The following SLC25A33 variants were observed in gnomAD, a reference collection of about 807,000 sequenced individuals.
The protein encoded by SLC25A33 is solute carrier family 25 member 33.
SLC25A33 carries 15 observed loss-of-function variants against 35.5 expected under a neutral mutation model. That is an observed-to-expected ratio of 0.42 (90% CI 0.28 to 0.65). The LOEUF (loss-of-function observed/expected upper bound fraction) is 0.65, where lower values mean the gene tolerates loss of function less well. Among genes scored for constraint, SLC25A33 ranks in the 30% least tolerant of loss-of-function variants. The pLI is 0.20. For synonymous variants in SLC25A33, 136 were observed against 148.7 expected (o/e 0.91, Z 0.62); for missense variants, 257 against 398.5 (o/e 0.64, Z 3.02).
chr1:9,581,987 G>A (rs925754873), intron 6 of SLC25A33, among the ~76,000 whole-genome samples: 7 of 151,960 alleles, frequency 4.6e-5, no homozygotes, highest in African/African-American at 1.2e-4. Context: ...GTAGTGGCAC[G>A]ATCCCGACTC....
At chr1:9,546,664 G>A (rs1643175002) in intron 1 of SLC25A33, among the ~76,000 whole-genome samples, 1 of 152,164 alleles carries the variant, frequency 6.6e-6, no homozygotes, top group African/African-American at 2.4e-5. Context: ...TTCTTGAAAA[G>A]TTTAGGTATA....
At chr1:9,554,423 A>G (rs1643312126) in intron 2 of SLC25A33, among the ~76,000 whole-genome samples, 1 of 152,184 alleles carries the variant, frequency 6.6e-6, no homozygotes, top group African/African-American at 2.4e-5. Context: ...GCAATGGCAC[A>G]ATCTCAGCTC....
At chr1:9,561,110 T>A (rs1643417904) in intron 2 of SLC25A33, among the ~76,000 whole-genome samples, 1 of 152,014 alleles carries the variant, frequency 6.6e-6, no homozygotes, top group African/African-American at 2.4e-5. Flanking sequence ...CCGGCTAATT[T>A]TTTTTGTATT....
chr1:9,575,589 T>C (rs1230355241), intron 5 of SLC25A33, among the ~76,000 whole-genome samples: 2 of 151,920 alleles, frequency 1.3e-5, no homozygotes, highest in Non-Finnish European at 2.9e-5. Flanking sequence ...CACTTCAGCA[T>C]GGGTGATAGA....
At chr1:9,541,962 G>T (rs1455707109) in intron 1 of SLC25A33, among the ~76,000 whole-genome samples, 1 of 151,906 alleles carries the variant, frequency 6.6e-6, no homozygotes, top group African/African-American at 2.4e-5. Flanking sequence ...ACCACGCCCG[G>T]CTAATTTTGT....
rs765080211 is a variant in SLC25A33, at chr1:9,553,657, T to G, written c.88T>G (p.Cys30Gly). ...AGGCACAGTTGGTGCTATTTTCACT[T>G]GTCCACTAGAAGTCATTAAGACACG... The part of the protein sequence containing the change: ...CGGTVGAIFT[C>G]PLEVIKTRLQ... The change falls in exon 2 of 7, where the codon TGT becomes GGT. Residue 30 changes from cysteine (C) to glycine (G), a missense_variant. Cys to Gly is a radical substitution (Grantham distance 159, BLOSUM62 -3). Coordinates refer to ENST00000302692, the MANE Select transcript of SLC25A33 (RefSeq NM_032315.3). 6.2e-7 allele frequency: 1 copy of G among 1,613,822 alleles called. No individual in the cohort carries two copies. Among genetic ancestry groups the G allele is most frequent in the Non-Finnish European group, 8.5e-7 (1 of 1,180,036 alleles).
chr1:9,559,079 G>A (rs563209383), intron 2 of SLC25A33, among the ~76,000 whole-genome samples: 1 of 152,280 alleles, frequency 6.6e-6, no homozygotes, highest in Admixed American at 6.5e-5. Context: ...TTGTCTGCAC[G>A]GCTGACGTCC....
chr1:9,550,316 C>T (rs1031840043), intron 1 of SLC25A33, among the ~76,000 whole-genome samples: 1 of 150,566 alleles, frequency 6.6e-6, no homozygotes, highest in Non-Finnish European at 1.5e-5. Flanking sequence ...CTTTTTTGGA[C>T]GAACACACCA....
intron 4 of SLC25A33, among the ~76,000 whole-genome samples, chr1:9,572,695 A>G (rs888963335): frequency 9.9e-5 from 15 of 152,098 alleles, no homozygotes; most frequent in Non-Finnish European, 2.1e-4. Context: ...GTGAGGTATT[A>G]CAGAAGAGAT....
At chr1:9,547,318 G>T (rs1335272765) in intron 1 of SLC25A33, among the ~76,000 whole-genome samples, 1 of 152,132 alleles carries the variant, frequency 6.6e-6, no homozygotes, top group Admixed American at 6.6e-5. Flanking sequence ...GCCAAGCATT[G>T]TGGCACACAT....
chr1:9,576,622 CG>C (rs1306328416), intron 5 of SLC25A33: 1 of 591,330 alleles, frequency 1.7e-6, no homozygotes, highest in Admixed American at 1.9e-5. Context: ...GGCTACCGTT[CG>C]AACTGTTGGT....
intron 1 of SLC25A33, among the ~76,000 whole-genome samples, chr1:9,550,464 G>T (rs1049052791): frequency 6.6e-5 from 10 of 151,988 alleles, no homozygotes; most frequent in African/African-American, 2.4e-4. Context: ...TTACCCAGAA[G>T]CTCTTTTTCA....
At chr1:9,542,055 C>G (rs1643093170) in intron 1 of SLC25A33, among the ~76,000 whole-genome samples, 1 of 152,166 alleles carries the variant, frequency 6.6e-6, no homozygotes, top group Non-Finnish European at 1.5e-5. Flanking sequence ...CTCGGCCTCC[C>G]AAAGTGCTGG....
At chr1:9,567,589 TCTG>T (rs1643530691) in intron 3 of SLC25A33, among the ~76,000 whole-genome samples, 1 of 152,246 alleles carries the variant, frequency 6.6e-6, no homozygotes, top group South Asian at 2.1e-4. Context: ...TGAAAATTAA[TCTG>T]CTATCATTAC....
chr1:9,577,275 T>G (rs1226116051), intron 5 of SLC25A33, among the ~76,000 whole-genome samples: 1 of 152,034 alleles, frequency 6.6e-6, no homozygotes, highest in East Asian at 1.9e-4. Flanking sequence ...CTGGCCAACA[T>G]GGTGAAACCC....
At chr1:9,566,778 G>A (rs1372541211) in intron 2 of SLC25A33, among the ~76,000 whole-genome samples, 2 of 152,054 alleles carry the variant, frequency 1.3e-5, no homozygotes, top group Admixed American at 6.5e-5. Context: ...CCTGGGGGGC[G>A]GAAGTTGCAG....
intron 1 of SLC25A33, 95 bp downstream of exon 1, chr1:9,539,842 G>A (rs1643049285): frequency 3.5e-6 from 4 of 1,145,394 alleles, no homozygotes; most frequent in Admixed American, 8.9e-5. Context: ...GCGGTTACCG[G>A]CCTTCCCCGG....
chr1:9,550,879 T>TCAA, intron 1 of SLC25A33, among the ~76,000 whole-genome samples: 1 of 152,000 alleles, frequency 6.6e-6, no homozygotes, highest in South Asian at 2.1e-4. Context: ...GGTTTTGACC[T>TCAA]GTTGGCCAGG....
chr1:9,540,192 G>A (rs1307736680), intron 1 of SLC25A33, among the ~76,000 whole-genome samples: 1 of 152,154 alleles, frequency 6.6e-6, no homozygotes, highest in African/African-American at 2.4e-5. Flanking sequence ...TCAGGGCAGC[G>A]CGGGAGGTCA....
Sources: allele counts gnomAD v4.1 joint callset (sites outside exome capture counted in the v4.1 genomes callset), GRCh38; gene constraint gnomAD v4.1.1; transcripts MANE v1.5; gene names NCBI Gene and HGNC (gene_info 2026-07-23, HGNC 2026-07-21).